Variants in C1QTNF3 observed in about 807,000 individuals in gnomAD.
The protein encoded by C1QTNF3 is complement C1q tumor necrosis factor-related protein 3.
A neutral mutation model predicts 32.6 loss-of-function variants in C1QTNF3; 26 were observed. That is an observed-to-expected ratio of 0.80 (90% CI 0.58 to 1.11). The LOEUF is 1.11. C1QTNF3 is among the 50% of genes least tolerant of loss of function. The pLI is 0.00. For synonymous variants in C1QTNF3, 155 were observed against 146.0 expected (o/e 1.06, Z -0.44); for missense variants, 362 against 398.2 (o/e 0.91, Z 0.77).
the C1QTNF3 span, among the ~76,000 whole-genome samples, chr5:34,051,515 A>G: frequency 3.7e-4 from 56 of 152,372 alleles, no homozygotes; most frequent in Non-Finnish European, 3.5e-4. Flanking sequence ...AACGGAAAAT[A>G]TAAACCAAAT....
At chr5:34,210,061 GATT>G in the C1QTNF3 span, among the ~76,000 whole-genome samples, 1 of 151,874 alleles carries the variant, frequency 6.6e-6, no homozygotes. Context: ...GGAATGAATT[GATT>G]TTTTATGTTA....
the C1QTNF3 span, among the ~76,000 whole-genome samples, chr5:34,112,141 T>C: frequency 1.3e-5 from 2 of 152,186 alleles, no homozygotes; most frequent in Non-Finnish European, 2.9e-5. Context: ...AGTATAAAAG[T>C]AGTTGATTTT....
chr5:34,026,524 C>A (rs2112101791), intron 4 of C1QTNF3, among the ~76,000 whole-genome samples: 1 of 149,568 alleles, frequency 6.7e-6, no homozygotes, highest in Non-Finnish European at 1.5e-5. Flanking sequence ...GCAAGGGAAC[C>A]AGGAAGTATA....
the C1QTNF3 span, among the ~76,000 whole-genome samples, chr5:34,124,743 T>C: frequency 6.6e-6 from 1 of 152,336 alleles, no homozygotes; most frequent in South Asian, 2.1e-4. Context: ...TTAAGCAGTC[T>C]TTATATTCAA....
intron 4 of C1QTNF3, among the ~76,000 whole-genome samples, chr5:34,027,305 G>C (rs1754487590): frequency 6.6e-6 from 1 of 152,124 alleles, no homozygotes; most frequent in African/African-American, 2.4e-5. Context: ...CCCTTACAGG[G>C]AGCAATTTGG....
the C1QTNF3 span, among the ~76,000 whole-genome samples, chr5:34,080,303 C>G: frequency 1.5e-4 from 22 of 151,674 alleles, no homozygotes; most frequent in Non-Finnish European, 2.9e-4. Context: ...TTATTAGGAT[C>G]TCAGGATTAG....
At chr5:34,098,445 G>A in the C1QTNF3 span, among the ~76,000 whole-genome samples, 1 of 152,176 alleles carries the variant, frequency 6.6e-6, no homozygotes, top group Non-Finnish European at 1.5e-5. Context: ...ACTAAGGAAT[G>A]ATAGACAGAA....
chr5:34,202,060 A>T, the C1QTNF3 span, among the ~76,000 whole-genome samples: 2 of 152,234 alleles, frequency 1.3e-5, no homozygotes, highest in South Asian at 4.1e-4. Flanking sequence ...ATAGCAAGAC[A>T]GGCTTTGATC....
rs1347778013 is a variant in C1QTNF3 at position 34,020,009 on chromosome 5, T to C, written c.*574A>G. On this transcript the variant is annotated 3_prime_UTR_variant, in exon 6 of 6. Transcript: ENST00000382065. ...GGTCAAGCACTTTATAGCTAAAATC[T>C]ATTGACTTTAAAATAGCATTGTATG... 1 of 152,628 alleles carries C rather than the reference T, an allele frequency of 6.6e-6. No individual in the cohort carries two copies. Among genetic ancestry groups the C allele is most frequent in the African/African-American group, 2.4e-5 (1 of 41,442 alleles). 9.5% of individuals were successfully genotyped at this position (152,628 alleles called of 1,614,324 possible). A position where few individuals can be genotyped will look rare whatever the true frequency, so the allele number is the denominator to read the frequency against.
At chr5:34,223,877 G>T in the C1QTNF3 span, among the ~76,000 whole-genome samples, 1 of 152,132 alleles carries the variant, frequency 6.6e-6, no homozygotes, top group Non-Finnish European at 1.5e-5. Context: ...GTTTGCAGAT[G>T]ACATGATTGT....
the C1QTNF3 span, among the ~76,000 whole-genome samples, chr5:34,223,573 T>C: frequency 6.6e-6 from 1 of 151,888 alleles, no homozygotes; most frequent in Non-Finnish European, 1.5e-5. Flanking sequence ...TTTCTAGTTC[T>C]AGATCCCTGA....
the C1QTNF3 span, among the ~76,000 whole-genome samples, chr5:34,145,287 G>T: frequency 6.6e-6 from 1 of 151,964 alleles, no homozygotes; most frequent in Non-Finnish European, 1.5e-5. Context: ...AGCACAAGAA[G>T]AAAATCCCAT....
chr5:34,212,067 T>C, the C1QTNF3 span, among the ~76,000 whole-genome samples: 1 of 152,028 alleles, frequency 6.6e-6, no homozygotes, highest in Non-Finnish European at 1.5e-5. Context: ...TATAGATCAA[T>C]GGAACAGAAC....
At chr5:34,075,835 C>T in the C1QTNF3 span, among the ~76,000 whole-genome samples, 30 of 150,980 alleles carry the variant, frequency 2.0e-4, no homozygotes, top group Non-Finnish European at 3.4e-4. Context: ...GATGGAAGGA[C>T]CCCCAGGTGT....
At chr5:34,136,462 G>A in the C1QTNF3 span, among the ~76,000 whole-genome samples, 2 of 152,140 alleles carry the variant, frequency 1.3e-5, no homozygotes, top group African/African-American at 4.8e-5. Flanking sequence ...ACCATCTCAC[G>A]CCAGTTAGAA....
upstream of C1QTNF3, among the ~76,000 whole-genome samples, chr5:34,045,028 G>C (rs930481641): frequency 3.1e-4 from 47 of 152,214 alleles, no homozygotes; most frequent in African/African-American, 1.1e-3. Context: ...GGAAAGCCCA[G>C]AGCAGTGTCT....
chr5:34,205,779 ATT>A, the C1QTNF3 span, among the ~76,000 whole-genome samples: 1 of 149,202 alleles, frequency 6.7e-6, no homozygotes, highest in African/African-American at 2.5e-5. Flanking sequence ...GAATATACAC[ATT>A]GTTTCTTTGC....
chr5:34,161,106 C>T, the C1QTNF3 span, among the ~76,000 whole-genome samples: 1 of 152,224 alleles, frequency 6.6e-6, no homozygotes, highest in Admixed American at 6.5e-5. Context: ...CGCTCACTGA[C>T]CCAGTAAAGA....
the C1QTNF3 span, among the ~76,000 whole-genome samples, chr5:34,068,665 T>C: frequency 1.3e-5 from 2 of 152,150 alleles, no homozygotes; most frequent in Admixed American, 1.3e-4. Context: ...ACATAAGTAA[T>C]AGTATGACCA....
Sources: gnomAD v4.1 joint callset for allele counts (sites outside exome capture counted in the v4.1 genomes callset) on GRCh38, gnomAD v4.1.1 for gene constraint, MANE v1.5 for transcripts, NCBI Gene and HGNC (gene_info 2026-07-23, HGNC 2026-07-21) for gene names.